The following CIMAP3 variants were observed in gnomAD, a reference collection of about 807,000 sequenced individuals.
CIMAP3 encodes the protein ciliary microtubule-associated protein 3.
At chr1:111,331,992 CT>C in the CIMAP3 span, among the ~76,000 whole-genome samples, 4 of 152,116 alleles carry the variant, frequency 2.6e-5, no homozygotes, top group African/African-American at 9.7e-5. Flanking sequence ...TTGAGAGTTT[CT>C]CAGTGGCTTA....
the CIMAP3 span, among the ~76,000 whole-genome samples, chr1:111,328,307 A>AAAAG: frequency 5.3e-5 from 8 of 152,230 alleles, no homozygotes; most frequent in Non-Finnish European, 1.2e-4. Context: ...GGTGGCAATG[A>AAAAG]AAAGAATGTA....
chr1:111,330,793 A>G, the CIMAP3 span, among the ~76,000 whole-genome samples: 1 of 152,160 alleles, frequency 6.6e-6, no homozygotes, highest in Non-Finnish European at 1.5e-5. Context: ...CCCCAAAGAG[A>G]TGCAGTTCAG....
chr1:111,352,581 C>T, the CIMAP3 span: 1 of 152,494 alleles, frequency 6.6e-6, no homozygotes. Flanking sequence ...GATACCTCAG[C>T]AAGAACATAC....
chr1:111,348,994 G>A, the CIMAP3 span: 2 of 168,014 alleles, frequency 1.2e-5, no homozygotes, highest in African/African-American at 2.4e-5. Context: ...GTGATAGAGT[G>A]ACCATATAAT....
chr1:111,342,450 T>C, the CIMAP3 span, among the ~76,000 whole-genome samples: 1 of 152,138 alleles, frequency 6.6e-6, no homozygotes, highest in African/African-American at 2.4e-5. Context: ...GTGGAACCCC[T>C]TGTTGAGATA....
chr1:111,345,195 T>G, the CIMAP3 span, among the ~76,000 whole-genome samples: 1 of 152,252 alleles, frequency 6.6e-6, no homozygotes, highest in Admixed American at 6.5e-5. Flanking sequence ...TGCATTTCTT[T>G]ACATTTTATT....
At chr1:111,332,628 G>T in the CIMAP3 span, among the ~76,000 whole-genome samples, 1 of 152,192 alleles carries the variant, frequency 6.6e-6, no homozygotes, top group Non-Finnish European at 1.5e-5. Flanking sequence ...TAGGTTCAAG[G>T]TCTACTTGGC....
At chr1:111,347,628 T>TTC in the CIMAP3 span, 2 of 1,188,230 alleles carry the variant, frequency 1.7e-6, no homozygotes, top group Non-Finnish European at 2.4e-6. Context: ...CTTTCTTTTT[T>TTC]TTTTTTTTTG....
At chr1:111,336,652 G>T in the CIMAP3 span, among the ~76,000 whole-genome samples, 1 of 152,152 alleles carries the variant, frequency 6.6e-6, no homozygotes. Flanking sequence ...TAGAGAAAAA[G>T]AATAAAAAGA....
At chr1:111,327,398 T>C in the CIMAP3 span, among the ~76,000 whole-genome samples, 3 of 152,162 alleles carry the variant, frequency 2.0e-5, no homozygotes, top group African/African-American at 7.2e-5. Flanking sequence ...TCCCTCCTCC[T>C]CAATTTTTTG....
the CIMAP3 span, among the ~76,000 whole-genome samples, chr1:111,333,621 G>A: frequency 1.1e-3 from 162 of 152,286 alleles, no homozygotes; most frequent in African/African-American, 3.8e-3. Flanking sequence ...ACAATAGGAA[G>A]TCCCTCCTGA....
At chr1:111,342,249 G>GT in the CIMAP3 span, among the ~76,000 whole-genome samples, 2 of 152,216 alleles carry the variant, frequency 1.3e-5, no homozygotes, top group African/African-American at 2.4e-5. Context: ...CAGGCTAGGA[G>GT]TAAGTGTAAT....
chr1:111,327,246 C>T, the CIMAP3 span, among the ~76,000 whole-genome samples: 2 of 152,050 alleles, frequency 1.3e-5, no homozygotes, highest in Middle Eastern at 3.4e-3. Flanking sequence ...CTTAATAAAT[C>T]TTATGTTGAT....
chr1:111,341,715 G>C, the CIMAP3 span, among the ~76,000 whole-genome samples: 1 of 152,160 alleles, frequency 6.6e-6, no homozygotes, highest in Admixed American at 6.5e-5. Context: ...CGCGTAGTCA[G>C]GCCTGTGATT....
At chr1:111,346,560 TC>T in the CIMAP3 span, 3 of 1,593,272 alleles carry the variant, frequency 1.9e-6, no homozygotes, top group Middle Eastern at 1.9e-4. Context: ...TCGGGCCCTC[TC>T]CCCCTCCCCG....
the CIMAP3 span, chr1:111,346,508 G>T: frequency 7.8e-7 from 1 of 1,288,942 alleles, no homozygotes; most frequent in Non-Finnish European, 1.1e-6. Flanking sequence ...TCCTGCCCCA[G>T]TAGTGGCTCG....
chr1:111,325,582 A>G, the CIMAP3 span, among the ~76,000 whole-genome samples: 1 of 152,334 alleles, frequency 6.6e-6, no homozygotes, highest in East Asian at 1.9e-4. Flanking sequence ...TTATCCTAAA[A>G]TTAGAATTAA....
At chr1:111,332,546 A>G in the CIMAP3 span, among the ~76,000 whole-genome samples, 1 of 152,160 alleles carries the variant, frequency 6.6e-6, no homozygotes, top group Admixed American at 6.5e-5. Context: ...ACGTAGGCAC[A>G]GGACTGCTCA....
the CIMAP3 span, chr1:111,351,371 T>G: frequency 8.3e-6 from 12 of 1,444,432 alleles, no homozygotes; most frequent in Non-Finnish European, 1.1e-5. Context: ...ACACAGACTC[T>G]CCAGGACTGA....
Sources: allele counts gnomAD v4.1 joint callset (sites outside exome capture counted in the v4.1 genomes callset), GRCh38; gene constraint gnomAD v4.1.1; transcripts MANE v1.5; gene names NCBI Gene and HGNC (gene_info 2026-07-23, HGNC 2026-07-21).